Variants in UBA6 observed in about 807,000 individuals in gnomAD.
UBA6 encodes the protein ubiquitin like modifier activating enzyme 6, also known as ubiquitin-like modifier-activating enzyme 6.
UBA6 carries 87 observed loss-of-function variants against 148.3 expected under a neutral mutation model. That is an observed-to-expected ratio of 0.59 (90% confidence interval 0.49 to 0.70). The LOEUF is 0.70. UBA6 is among the 30% of genes least tolerant of loss of function. The pLI, the probability that UBA6 is intolerant of heterozygous loss-of-function variation, is 0.00. For missense variants in UBA6, 1,186 were observed against 1,241.2 expected, an observed-to-expected ratio of 0.96 and a Z score of 0.67; for synonymous variants, 376 against 401.0, an observed-to-expected ratio of 0.94 and a Z score of 0.75.
At chr4:67,698,797 T>C (rs1037073379) in intron 1 of UBA6, among the ~76,000 whole-genome samples, 1 of 151,986 alleles carries the variant, frequency 6.6e-6, no homozygotes, top group Non-Finnish European at 1.5e-5. Flanking sequence ...CTGTCTCTAC[T>C]AAAAATACAA....
intron 2 of UBA6, among the ~76,000 whole-genome samples, chr4:67,688,093 G>C (rs1196134045): frequency 1.3e-5 from 2 of 152,146 alleles, no homozygotes; most frequent in Non-Finnish European, 2.9e-5. Flanking sequence ...GATGCTTAAA[G>C]TAGTATTACA....
intron 1 of UBA6, 115 bp downstream of exon 1, chr4:67,700,934 C>A: frequency 7.5e-7 from 1 of 1,328,300 alleles, no homozygotes; most frequent in Non-Finnish European, 1.1e-6. Context: ...AGGGCCGGCT[C>A]TGCTCGGCCC....
At chr4:67,689,603 T>C (rs1291753202) in intron 2 of UBA6, among the ~76,000 whole-genome samples, 1 of 152,140 alleles carries the variant, frequency 6.6e-6, no homozygotes, top group Non-Finnish European at 1.5e-5. Flanking sequence ...AGCAGCTTCA[T>C]GTCAGAATTC....
chr4:67,639,721 T>A (rs925731764), intron 18 of UBA6, among the ~76,000 whole-genome samples: 6 of 152,198 alleles, frequency 3.9e-5, no homozygotes, highest in Non-Finnish European at 8.8e-5. Flanking sequence ...TGTATTTTCA[T>A]ATACACACAT....
intron 6 of UBA6, among the ~76,000 whole-genome samples, chr4:67,674,171 A>G (rs1243032653): frequency 6.6e-6 from 1 of 152,212 alleles, no homozygotes; most frequent in Non-Finnish European, 1.5e-5. Context: ...CATTTTTAAG[A>G]GACACATTAG....
chr4:67,620,631 T>C (rs1728730842), intron 32 of UBA6, among the ~76,000 whole-genome samples: 1 of 152,178 alleles, frequency 6.6e-6, no homozygotes, highest in South Asian at 2.1e-4. Context: ...CTTAGAAGGA[T>C]AACTAGGAAT....
chr4:67,619,833 C>T (rs1184445515), intron 32 of UBA6, among the ~76,000 whole-genome samples: 1 of 152,012 alleles, frequency 6.6e-6, no homozygotes, highest in African/African-American at 2.4e-5. Flanking sequence ...ATAGCCACTA[C>T]TGCCTTAAAT....
At chr4:67,640,185 G>A (rs752755341) in intron 18 of UBA6, among the ~76,000 whole-genome samples, 1 of 152,204 alleles carries the variant, frequency 6.6e-6, no homozygotes, top group Admixed American at 6.5e-5. Context: ...TGTTCTAAGT[G>A]TACAAACAAA....
chr4:67,622,813 A>G lies in UBA6; in HGVS notation c.3023+18T>C. On this transcript the variant is annotated intron_variant, in intron 32 of 32. Transcript: ENST00000322244. ...TTTAAATTCTTGTTAATCGCTGCAT[A>G]TAATGTTGAATACTTACGTTAACTT... 6.4e-7 allele frequency: 1 copy of G among 1,569,760 alleles called. No homozygotes were observed. Among genetic ancestry groups the G allele is most frequent in the Non-Finnish European group, 8.7e-7 (1 of 1,150,014 alleles).
Position 67,616,005 on chromosome 4 carries a change from T to C in UBA6, c.*2992A>G, listed in dbSNP as rs1728618157. The stretch of plus-strand genomic sequence containing the variant: ...ATATAGTTGCTTTAAAATTATTCCT[T>C]GAACTGCATATTTATATTTTATGTA... On this transcript the variant is annotated 3_prime_UTR_variant, in exon 33 of 33. Transcript: ENST00000322244. 1 of 378,108 alleles carries C rather than the reference T, an allele frequency of 2.6e-6. No homozygotes were observed. The highest frequency in any genetic ancestry group is 1.3e-4 in the South Asian group (1 of 7,458). 23.4% of individuals were successfully genotyped at this position (378,108 alleles called of 1,614,324 possible). A position where few individuals can be genotyped will look rare whatever the true frequency, so the allele number is the denominator to read the frequency against.
chr4:67,700,430 A>G (rs1730949812), intron 1 of UBA6, among the ~76,000 whole-genome samples: 1 of 152,206 alleles, frequency 6.6e-6, no homozygotes, highest in Admixed American at 6.5e-5. Context: ...GCCTAGCACA[A>G]ATATTTTCCC....
intron 13 of UBA6, 137 bp from the exon 14 acceptor site, chr4:67,649,348 A>C: frequency 1.2e-6 from 1 of 828,360 alleles, no homozygotes; most frequent in East Asian, 2.8e-5. Context: ...ATCTCTAAAA[A>C]TGTCCCAATT....
At chr4:67,636,438 C>T (rs542133874) in intron 19 of UBA6, among the ~76,000 whole-genome samples, 2 of 152,332 alleles carry the variant, frequency 1.3e-5, no homozygotes, top group South Asian at 4.1e-4. Context: ...CCCTCTGATG[C>T]CGAGCCGAAG....
In UBA6 at chr4:67,615,547, C is replaced by T. The variant is rs952654568; in HGVS notation, c.*3450G>A. 1.3e-5 allele frequency: 2 copies of T among 152,092 alleles called. No individual in the cohort carries two copies. Among genetic ancestry groups the T allele is most frequent in the African/African-American group, 4.8e-5 (2 of 41,416 alleles). 9.4% of individuals were successfully genotyped at this position (152,092 alleles called of 1,614,324 possible). On this transcript the variant is annotated 3_prime_UTR_variant, in exon 33 of 33. Transcript: ENST00000322244. ...ACCCTATGACCAAAAAATTCTACTC[C>T]TAAATATATACTCTTTGTACTAGGA... is the stretch of plus-strand genomic sequence containing the variant.
At chr4:67,620,496 A>G (rs1728727549) in intron 32 of UBA6, among the ~76,000 whole-genome samples, 1 of 152,150 alleles carries the variant, frequency 6.6e-6, no homozygotes, top group Non-Finnish European at 1.5e-5. Context: ...CTGTCTCAAG[A>G]GTTACAAGCA....
chr4:67,701,103 G>A lies in UBA6; in HGVS notation c.17C>T (p.Pro6Leu), dbSNP rs367922190. The stretch of plus-strand genomic sequence containing the variant: ...CTCTTCCCCCTGATGGGCGGCCACA[G>A]GCTCGGATCCTTCCATTGCCGCCTG... Reference protein sequence around the residue: MEGSEPVAAHQGEEAS... With the variant: MEGSELVAAHQGEEAS... The change falls in exon 1 of 33, where the codon CCT (proline) becomes CTT (leucine). Residue 6 changes from proline (P) to leucine (L), a missense_variant. Physicochemically the swap from Pro to Leu is moderately conservative, Grantham distance 98. Transcript: ENST00000322244. 6.8e-6 allele frequency: 11 copies of A among 1,613,500 alleles called. No homozygotes were observed. Among genetic ancestry groups the A allele is most frequent in the African/African-American group, 1.3e-5 (1 of 74,922 alleles).
intron 17 of UBA6, 80 bp from the exon 18 acceptor site, chr4:67,641,308 A>C (rs1729301047): frequency 1.2e-6 from 1 of 843,696 alleles, no homozygotes; most frequent in Non-Finnish European, 1.9e-6. Flanking sequence ...TGACTAAAAA[A>C]GTCCTGACAA....
At chr4:67,694,113 G>T (rs1388535444) in intron 2 of UBA6, among the ~76,000 whole-genome samples, 1 of 147,304 alleles carries the variant, frequency 6.8e-6, no homozygotes, top group Admixed American at 6.9e-5. Flanking sequence ...CTACTCAGGA[G>T]GCTGAGGCAG....
At chr4:67,641,093 A>C in intron 18 of UBA6, 58 bp downstream of exon 18, 1 of 1,079,900 alleles carries the variant, frequency 9.3e-7, no homozygotes, top group Non-Finnish European at 1.4e-6. Flanking sequence ...TATTTATTAA[A>C]AGGAAACTCT....
Sources: gnomAD v4.1 joint callset for allele counts (sites outside exome capture counted in the v4.1 genomes callset) on GRCh38, gnomAD v4.1.1 for gene constraint, MANE v1.5 for transcripts, NCBI Gene and HGNC (gene_info 2026-07-23, HGNC 2026-07-21) for gene names.